PTK2: variants seen among roughly 807,000 people sequenced by gnomAD.
The protein encoded by PTK2 is protein tyrosine kinase 2.
In PTK2, 45 loss-of-function variants were observed where a neutral mutation model predicts 150.1. The observed-to-expected ratio is 0.30, with a 90% CI of 0.24 to 0.38. The LOEUF is 0.38. PTK2 is among the 10% of genes least tolerant of loss of function. The pLI is 1.00. For missense variants in PTK2, 919 were observed against 1,307.3 expected, an observed-to-expected ratio of 0.70 and a Z score of 4.58; for synonymous variants, 432 against 449.2, an observed-to-expected ratio of 0.96 and a Z score of 0.48.
intron 1 of PTK2, among the ~76,000 whole-genome samples, chr8:140,980,332 G>A (rs566989068): frequency 6.6e-6 from 1 of 152,304 alleles, no homozygotes; most frequent in South Asian, 2.1e-4. Flanking sequence ...TTAGTATAAA[G>A]TTCGGCCGGG....
intron 8 of PTK2, among the ~76,000 whole-genome samples, chr8:140,825,065 T>C (rs998300564): frequency 3.3e-5 from 5 of 152,142 alleles, no homozygotes; most frequent in Non-Finnish European, 7.4e-5. Context: ...GATGCAAAGG[T>C]TGTAAGGCAA....
intron 8 of PTK2, chr8:140,821,436 G>A (rs988372459): frequency 1.3e-5 from 2 of 152,220 alleles, no homozygotes; most frequent in Non-Finnish European, 2.9e-5. Context: ...GGAAAGTAAA[G>A]AATCCAGGAA....
intron 10 of PTK2, among the ~76,000 whole-genome samples, chr8:140,808,951 T>G (rs760571372): frequency 3.3e-5 from 5 of 152,114 alleles, no homozygotes; most frequent in Non-Finnish European, 5.9e-5. Flanking sequence ...CAGGCTGGTC[T>G]CAAACTTCTG....
intron 19 of PTK2, among the ~76,000 whole-genome samples, 170 bp from the exon 23 acceptor site, chr8:140,743,500 C>T (rs1336066263): frequency 6.6e-6 from 1 of 151,950 alleles, no homozygotes; most frequent in Non-Finnish European, 1.5e-5. Context: ...TATATACACA[C>T]ACACAAAATT....
In PTK2 at chr8:140,831,316, T is replaced by C. The variant is rs534875858; in HGVS notation, c.594-790A>G. Among the ~76,000 whole-genome samples the C allele has an allele frequency of 5.9e-5, 9 of 152,300 alleles. No individual in the cohort carries two copies. In the South Asian group the frequency reaches 1.9e-3, roughly 32 times the overall value. On this transcript the variant is annotated intron_variant, in intron 7 of 31. Coordinates refer to ENST00000522684, the Ensembl canonical transcript of PTK2. ...TGCTAGCAATGTGAAATAATGCCTC[T>C]GACGACATTAAGGAACGTCAGGAAA...
intron 3 of PTK2, among the ~76,000 whole-genome samples, chr8:140,882,306 C>G (rs2154607148): frequency 6.6e-6 from 1 of 152,242 alleles, no homozygotes; most frequent in South Asian, 2.1e-4. Context: ...TAAACTCAAC[C>G]AACCCTACAG....
intron 27 of PTK2, among the ~76,000 whole-genome samples, chr8:140,679,008 T>G (rs59811152): frequency 0.13 from 1,767 of 13,160 alleles, 36 homozygotes; most frequent in African/African-American, 0.26. Context: ...CCCATGTTTT[T>G]TTTTTTTTTT....
chr8:140,789,009 G>C (rs929435147), intron 14 of PTK2, among the ~76,000 whole-genome samples: 1 of 152,092 alleles, frequency 6.6e-6, no homozygotes, highest in African/African-American at 2.4e-5. Context: ...CCAGCAAATA[G>C]TTAAGACAAT....
At position 140,963,500 on chromosome 8, in the gene PTK2, T is replaced by C. The variant is rs79510162; in HGVS notation, c.-122+37625A>G. 4.4e-4 allele frequency among the ~76,000 whole-genome samples: 67 copies of C among 152,302 alleles called. No homozygotes were observed. In the East Asian group the frequency reaches 0.011, roughly 25 times the overall value. The stretch of plus-strand genomic sequence containing the variant: ...TGCTCTCCAATTCTATGGCCATCCA[T>C]TTAATTCAAGTTACAGTGTTGCAAA... On this transcript the variant is annotated intron_variant, in intron 1 of 31. Coordinates refer to ENST00000522684, the Ensembl canonical transcript of PTK2.
chr8:140,692,651 A>G (rs1232634112), intron 26 of PTK2, among the ~76,000 whole-genome samples: 1 of 152,164 alleles, frequency 6.6e-6, no homozygotes, highest in African/African-American at 2.4e-5. Flanking sequence ...CAAAAAAAAA[A>G]AACAGTTCGG....
intron 14 of PTK2, among the ~76,000 whole-genome samples, chr8:140,770,092 C>CA (rs1156876271): frequency 1.3e-5 from 2 of 152,156 alleles, no homozygotes; most frequent in Non-Finnish European, 2.9e-5. Flanking sequence ...AGACATAGGC[C>CA]AGGCCCACTA....
At chr8:140,770,446 G>A (rs970485142) in intron 14 of PTK2, among the ~76,000 whole-genome samples, 2 of 152,172 alleles carry the variant, frequency 1.3e-5, no homozygotes, top group South Asian at 4.1e-4. Context: ...AAATGAAACT[G>A]AGAAGCGACT....
intron 5 of PTK2, among the ~76,000 whole-genome samples, chr8:140,863,003 G>A (rs2100137136): frequency 6.6e-6 from 1 of 152,086 alleles, no homozygotes; most frequent in Non-Finnish European, 1.5e-5. Flanking sequence ...GCCAACAGCT[G>A]GAAACTTCCT....
chr8:140,671,483 G>T (rs1350283761), intron 29 of PTK2, among the ~76,000 whole-genome samples: 1 of 152,222 alleles, frequency 6.6e-6, no homozygotes, highest in African/African-American at 2.4e-5. Context: ...TGGCCTCTCA[G>T]TGTTGGAATT....
chr8:140,879,857 G>A (rs1309269994), intron 3 of PTK2, among the ~76,000 whole-genome samples: 3 of 151,966 alleles, frequency 2.0e-5, no homozygotes, highest in Non-Finnish European at 4.4e-5. Flanking sequence ...GTATTTTCAA[G>A]AACAAGGAGA....
At chr8:140,796,836 A>C (rs2100091899) in intron 12 of PTK2, among the ~76,000 whole-genome samples, 1 of 152,192 alleles carries the variant, frequency 6.6e-6, no homozygotes, top group South Asian at 2.1e-4. Context: ...AACTTACCAG[A>C]CTTTTTAATG....
intron 1 of PTK2, among the ~76,000 whole-genome samples, chr8:140,947,997 AT>A (rs1273286232): frequency 5.3e-5 from 8 of 152,286 alleles, no homozygotes; most frequent in African/African-American, 1.9e-4. Flanking sequence ...TTATTTTGTT[AT>A]TTAGGGGCCC....
chr8:140,838,486 G>A (rs2100120179), intron 7 of PTK2, among the ~76,000 whole-genome samples: 1 of 152,086 alleles, frequency 6.6e-6, no homozygotes, highest in East Asian at 1.9e-4. Context: ...ATATTGTTAA[G>A]TATCTTTATT....
chr8:140,733,477 A>C (rs1471768456), intron 22 of PTK2, among the ~76,000 whole-genome samples: 1 of 152,142 alleles, frequency 6.6e-6, no homozygotes, highest in Non-Finnish European at 1.5e-5. Flanking sequence ...AGGTGGAGAG[A>C]TGGCAAGTCA....
Sources: gnomAD v4.1 joint callset for allele counts (sites outside exome capture counted in the v4.1 genomes callset) on GRCh38, gnomAD v4.1.1 for gene constraint, MANE v1.5 for transcripts, NCBI Gene and HGNC (gene_info 2026-07-23, HGNC 2026-07-21) for gene names.